NEO1: variants seen among roughly 807,000 people sequenced by gnomAD.
NEO1 encodes neogenin.
A neutral mutation model predicts 159.7 loss-of-function variants in NEO1; 63 were observed. That is an observed-to-expected ratio of 0.39 (90% CI 0.32 to 0.49). The LOEUF is 0.49. NEO1 is among the 20% of genes least tolerant of loss of function. The pLI is 0.85. For missense variants in NEO1, 1,615 were observed against 1,831.0 expected (o/e 0.88, Z 2.15); for synonymous variants, 633 against 662.0 (o/e 0.96, Z 0.67).
At position 73,170,618 on chromosome 15, in the gene NEO1, T is replaced by C. The variant is rs546994121; in HGVS notation, c.1016-5785T>C. Among the ~76,000 whole-genome samples, 7 of 152,204 alleles carry C rather than the reference T, an allele frequency of 4.6e-5. No homozygotes were observed. In the East Asian group the frequency reaches 1.4e-3, roughly 29 times the overall value. ...AGTGAATTGAAACAAACCAAATATATCTTAAACTAAAGGCTCTTAATACTT... is the reference window on the plus strand; with the variant it reads ...AGTGAATTGAAACAAACCAAATATACCTTAAACTAAAGGCTCTTAATACTT... On this transcript the variant is annotated intron_variant, in intron 5 of 28. Coordinates refer to ENST00000261908, the MANE Select transcript of NEO1 (RefSeq NM_002499.4).
At chr15:73,288,839 T>A (rs1190096694) in intron 24 of NEO1, among the ~76,000 whole-genome samples, 1 of 152,156 alleles carries the variant, frequency 6.6e-6, no homozygotes, top group African/African-American at 2.4e-5. Context: ...TGTCTGTGCA[T>A]TTCATTCTGT....
In NEO1 at chr15:73,182,285, C is replaced by T. The variant is rs2035654096; in HGVS notation, c.1291+3858C>T. Among the ~76,000 whole-genome samples the T allele has an allele frequency of 2.6e-5, 4 of 152,150 alleles. No individual in the cohort carries two copies. The South Asian group carries it at 8.3e-4, about 32-fold the overall frequency. On this transcript the variant is annotated intron_variant, in intron 7 of 28. Transcript: ENST00000261908. ...GATTTGGGTGGGGACACATCCAAAC[C>T]ATATCACTAGAAGAATGGTGACACC... is the stretch of plus-strand genomic sequence containing the variant.
chr15:73,161,805 G>A, intron 5 of NEO1: 1 of 298,042 alleles, frequency 3.4e-6, no homozygotes, highest in Non-Finnish European at 6.4e-6. Flanking sequence ...CAGAGATCTT[G>A]AATTACCTCC....
intron 25 of NEO1, among the ~76,000 whole-genome samples, chr15:73,292,781 A>G (rs1162027826): frequency 8.5e-5 from 13 of 152,264 alleles, no homozygotes; most frequent in African/African-American, 2.9e-4. Flanking sequence ...TTAGTACTAG[A>G]TGGGACCATC....
chr15:73,270,736 GAAGT>G (rs2041128865), intron 18 of NEO1, among the ~76,000 whole-genome samples: 2 of 152,232 alleles, frequency 1.3e-5, no homozygotes, highest in Non-Finnish European at 2.9e-5. Flanking sequence ...TAGAAAAGAT[GAAGT>G]GACCTGCCCT....
chr15:73,129,933 G>C (rs557253130), intron 4 of NEO1, among the ~76,000 whole-genome samples: 1 of 152,190 alleles, frequency 6.6e-6, no homozygotes, highest in Admixed American at 6.5e-5. Context: ...GAAAGGTAGA[G>C]AGAGAAAGAC....
chr15:73,235,846 A>G (rs1320668163), intron 7 of NEO1, among the ~76,000 whole-genome samples: 12 of 152,236 alleles, frequency 7.9e-5, no homozygotes, highest in African/African-American at 2.7e-4. Flanking sequence ...CAGTGTAACT[A>G]GGGTCATCCA....
At chr15:73,210,001 C>T (rs1029976169) in intron 7 of NEO1, among the ~76,000 whole-genome samples, 2 of 152,030 alleles carry the variant, frequency 1.3e-5, no homozygotes, top group Admixed American at 1.3e-4. Context: ...GAAACTCTGT[C>T]TAAAAAAACG....
intron 1 of NEO1, among the ~76,000 whole-genome samples, chr15:73,082,489 A>T (rs1007388167): frequency 6.6e-6 from 1 of 151,954 alleles, no homozygotes; most frequent in African/African-American, 2.4e-5. Flanking sequence ...CTAAAATTTC[A>T]ATGTGGATAG....
At chr15:73,261,057 A>G (rs1464717992) in intron 15 of NEO1, among the ~76,000 whole-genome samples, 1 of 152,084 alleles carries the variant, frequency 6.6e-6, no homozygotes, top group East Asian at 1.9e-4. Flanking sequence ...TTTCACCCCT[A>G]TGAAGAGAAT....
At chr15:73,289,386 C>T (rs1210020569) in intron 25 of NEO1, 148 bp downstream of exon 25, 8 of 694,574 alleles carry the variant, frequency 1.2e-5, no homozygotes, top group African/African-American at 1.8e-5. Context: ...AAGTACCAAA[C>T]ACTTGCCATA....
At chr15:73,301,948 C>T (rs566021930) in intron 28 of NEO1, among the ~76,000 whole-genome samples, 3 of 152,308 alleles carry the variant, frequency 2.0e-5, no homozygotes, top group South Asian at 4.1e-4. Flanking sequence ...GGATAACAGG[C>T]GTGAGCCACC....
intron 7 of NEO1, among the ~76,000 whole-genome samples, chr15:73,211,958 C>G (rs1022530676): frequency 6.6e-6 from 1 of 152,146 alleles, no homozygotes; most frequent in Admixed American, 6.5e-5. Context: ...ATGGATTTGT[C>G]TGATACTTTT....
chr15:73,228,135 A>G (rs981248706), intron 7 of NEO1, among the ~76,000 whole-genome samples: 7 of 152,230 alleles, frequency 4.6e-5, no homozygotes, highest in African/African-American at 1.7e-4. Context: ...TCATAAAATT[A>G]AAGTGTCCAG....
intron 5 of NEO1, among the ~76,000 whole-genome samples, chr15:73,170,535 A>T (rs1425080699): frequency 6.6e-6 from 1 of 152,240 alleles, no homozygotes; most frequent in Non-Finnish European, 1.5e-5. Context: ...CACTGTGTTC[A>T]GGTTTCCTCC....
rs56017937 is a variant in NEO1, at chr15:73,086,561, C to CTT, written c.131-29963_131-29962dup. Among the ~76,000 whole-genome samples, 259 of 128,842 alleles carry CTT rather than the reference C, an allele frequency of 2.0e-3. 1 individual carries two copies. Among genetic ancestry groups the CTT allele is most frequent in the Middle Eastern group, 0.018 (4 of 226 alleles). The allele number at this position is 128,842 out of a possible 152,430, so 84.5% of individuals were successfully genotyped here. A position where few individuals can be genotyped will look rare whatever the true frequency, so the allele number is the denominator to read the frequency against. ...CTTTCAATCCATGAATATAGTATGTCTTTTTTTTTTTTTTTTTGAGATGGA... is the reference window on the plus strand; with the variant it reads ...CTTTCAATCCATGAATATAGTATGTCTTTTTTTTTTTTTTTTTTTGAGATGGA... On this transcript the variant is annotated intron_variant, in intron 1 of 28. Coordinates refer to ENST00000261908, the MANE Select transcript of NEO1 (RefSeq NM_002499.4).
chr15:73,302,752 C>G lies in NEO1; in HGVS notation c.*56C>G. On this transcript the variant is annotated 3_prime_UTR_variant, in exon 29 of 29. Transcript: ENST00000261908. ...GAGTCTGGAAGTCTTGGAACTTACC[C>G]TTGAAAACAAGGAATTGTACAGAGT... The G allele has an allele frequency of 5.4e-6, 8 of 1,486,380 alleles. No homozygotes were observed. The South Asian group carries it at 9.3e-5, about 17-fold the overall frequency. 92.1% of individuals were successfully genotyped at this position (1,486,380 alleles called of 1,614,324 possible).
chr15:73,225,105 A>G (rs2038502452), intron 7 of NEO1, among the ~76,000 whole-genome samples: 1 of 152,154 alleles, frequency 6.6e-6, no homozygotes, highest in Admixed American at 6.5e-5. Flanking sequence ...AAGTCTATCC[A>G]GCTCCAGGCT....
intron 3 of NEO1, among the ~76,000 whole-genome samples, chr15:73,124,568 T>C (rs1252653281): frequency 6.6e-6 from 1 of 152,210 alleles, no homozygotes; most frequent in Non-Finnish European, 1.5e-5. Flanking sequence ...AATCCAGATA[T>C]GCTCTTGGCC....
Sources: gnomAD v4.1 joint callset for allele counts (sites outside exome capture counted in the v4.1 genomes callset) on GRCh38, gnomAD v4.1.1 for gene constraint, MANE v1.5 for transcripts, NCBI Gene and HGNC (gene_info 2026-07-23, HGNC 2026-07-21) for gene names.